ADGRV1: variants seen among roughly 807,000 people sequenced by gnomAD.
The protein encoded by ADGRV1 is G-protein coupled receptor 98.
In ADGRV1, 359 loss-of-function variants were observed where a neutral mutation model predicts 596.2. The observed-to-expected ratio is 0.60, with a 90% CI of 0.55 to 0.66. The LOEUF is 0.66. Among genes scored for constraint, ADGRV1 ranks in the 30% least tolerant of loss-of-function variants. ADGRV1 has a pLI of 0.00. For synonymous variants in ADGRV1, 2,681 were observed against 2,679.2 expected, an observed-to-expected ratio of 1.00 and a Z score of -0.02; for missense variants, 7,274 against 7,575.6, an observed-to-expected ratio of 0.96 and a Z score of 1.48.
At chr5:90,988,704 A>G (rs1017208429) in intron 85 of ADGRV1, among the ~76,000 whole-genome samples, 1 of 151,984 alleles carries the variant, frequency 6.6e-6, no homozygotes, top group African/African-American at 2.4e-5. Flanking sequence ...GGTTAGTTAC[A>G]TATGTATACA....
At chr5:90,994,912 G>C (rs974953452) in intron 85 of ADGRV1, among the ~76,000 whole-genome samples, 6 of 152,176 alleles carry the variant, frequency 3.9e-5, no homozygotes, top group African/African-American at 1.4e-4. Flanking sequence ...GCATGTTGGG[G>C]CATGACTTCA....
intron 87 of ADGRV1, among the ~76,000 whole-genome samples, chr5:91,139,265 T>A (rs1050467373): frequency 6.6e-6 from 1 of 152,242 alleles, no homozygotes; most frequent in African/African-American, 2.4e-5. Flanking sequence ...TCCATTATAA[T>A]GAAGTCAATA....
intron 85 of ADGRV1, among the ~76,000 whole-genome samples, chr5:91,038,668 C>T (rs1307216257): frequency 6.6e-6 from 1 of 152,124 alleles, no homozygotes; most frequent in Admixed American, 6.5e-5. Context: ...GGATTTATCT[C>T]ATAAATTCAC....
intron 83 of ADGRV1, among the ~76,000 whole-genome samples, chr5:90,883,837 A>G (rs1382745197): frequency 6.6e-6 from 1 of 152,300 alleles, no homozygotes; most frequent in South Asian, 2.1e-4. Context: ...GTGGAATGTT[A>G]CAGGGCCTCT....
At position 90,848,838 on chromosome 5, in the gene ADGRV1, A is replaced by G; in HGVS notation, c.17204+17A>G. ...TGGTGAAAAGTAAGTATCTTTTAAT[A>G]TATTAGCAGTACCTTTTATGCATTT... On this transcript the variant is annotated intron_variant, in intron 79 of 89. Coordinates refer to ENST00000405460, the MANE Select transcript of ADGRV1 (RefSeq NM_032119.4). 2.6e-6 allele frequency: 4 copies of G among 1,547,710 alleles called. No homozygotes were observed. The highest frequency in any genetic ancestry group is 2.8e-5 in the African/African-American group (2 of 71,452).
At chr5:90,946,654 C>T (rs1209805792) in intron 83 of ADGRV1, among the ~76,000 whole-genome samples, 1 of 152,008 alleles carries the variant, frequency 6.6e-6, no homozygotes, top group East Asian at 1.9e-4. Context: ...GTGTTGTTCC[C>T]CTCCCTGTGT....
intron 1 of ADGRV1, among the ~76,000 whole-genome samples, chr5:90,611,052 T>A (rs1228010015): frequency 6.6e-6 from 1 of 151,812 alleles, no homozygotes; most frequent in African/African-American, 2.4e-5. Context: ...GCCAACCCTA[T>A]GACTCTGTTT....
intron 42 of ADGRV1, among the ~76,000 whole-genome samples, chr5:90,713,580 G>C (rs551393265): frequency 6.6e-6 from 1 of 152,080 alleles, no homozygotes; most frequent in African/African-American, 2.4e-5. Flanking sequence ...CTTTAGATGA[G>C]GCAGGAGCAG....
At chr5:91,140,277 C>T (rs1794985871) in intron 87 of ADGRV1, among the ~76,000 whole-genome samples, 1 of 152,180 alleles carries the variant, frequency 6.6e-6, no homozygotes, top group Non-Finnish European at 1.5e-5. Flanking sequence ...ATCAAATTTT[C>T]CCCTTTCATC....
At chr5:90,963,223 G>A (rs1429798051) in intron 83 of ADGRV1, among the ~76,000 whole-genome samples, 1 of 152,068 alleles carries the variant, frequency 6.6e-6, no homozygotes, top group Non-Finnish European at 1.5e-5. Flanking sequence ...ATGTTAAAAT[G>A]ATTGCTTTTT....
chr5:90,979,533 A>AG lies in ADGRV1; in HGVS notation c.17974-5810dup, dbSNP rs567581064. Among the ~76,000 whole-genome samples the AG allele has an allele frequency of 1.1e-3, 166 of 152,244 alleles. 2 individuals are homozygous for AG. Among genetic ancestry groups the AG allele is most frequent in the African/African-American group, 3.8e-3 (159 of 41,548 alleles). ...AATCAGCCTTTACAAGGCAGTTTGG[A>AG]GTATGTTGCACTCCCAGTTCTATAG... On this transcript the variant is annotated intron_variant, in intron 84 of 89. Coordinates refer to ENST00000405460, the MANE Select transcript of ADGRV1 (RefSeq NM_032119.4).
intron 83 of ADGRV1, among the ~76,000 whole-genome samples, chr5:90,937,762 T>C (rs1775838480): frequency 6.6e-6 from 1 of 151,994 alleles, no homozygotes; most frequent in African/African-American, 2.4e-5. Context: ...CGGCCAGTGA[T>C]TGTATTTTTT....
rs1416724388 is a variant in ADGRV1, at chr5:90,692,747, T to G, written c.7094T>G (p.Leu2365Arg). 1.9e-6 allele frequency: 3 copies of G among 1,606,224 alleles called. No homozygotes were observed. The highest frequency in any genetic ancestry group is 2.7e-5 in the African/African-American group (2 of 74,856). ...ATGGTTTATCGTGTTCAAGAGCCTCTGGAAAGAAGTTCCTGTGCTAATATA... is the reference window on the plus strand; with the variant it reads ...ATGGTTTATCGTGTTCAAGAGCCTCGGGAAAGAAGTTCCTGTGCTAATATA... The part of the protein sequence containing the change: ...AQMVYRVQEP[L>R]ERSSCANITV... Residue 2365 changes from leucine (L) to arginine (R), a missense_variant, in exon 32 of 90, where the codon CTG becomes CGG. By Grantham distance (102) the Leu-to-Arg change is moderately radical. This residue lies in a region of ADGRV1 where 3,643 missense variants were observed against 3,809.2 expected (regional missense o/e 0.96). Coordinates refer to ENST00000405460, the MANE Select transcript of ADGRV1 (RefSeq NM_032119.4).
chr5:90,908,338 T>C (rs1772514931), intron 83 of ADGRV1, among the ~76,000 whole-genome samples: 1 of 152,168 alleles, frequency 6.6e-6, no homozygotes, highest in Non-Finnish European at 1.5e-5. Flanking sequence ...AAATGGGGTA[T>C]CCATCACCTC....
At chr5:90,936,460 T>G (rs1775698602) in intron 83 of ADGRV1, among the ~76,000 whole-genome samples, 1 of 152,108 alleles carries the variant, frequency 6.6e-6, no homozygotes, top group South Asian at 2.1e-4. Context: ...CGTGCCTTTT[T>G]TCTTAAGCTT....
intron 24 of ADGRV1, 98 bp downstream of exon 24, chr5:90,675,543 TCA>T: frequency 8.4e-7 from 1 of 1,185,056 alleles, no homozygotes; most frequent in Non-Finnish European, 1.2e-6. Context: ...ACATAGTGAC[TCA>T]CGCCTGTAAT....
At chr5:90,989,705 C>G (rs1780807447) in intron 85 of ADGRV1, among the ~76,000 whole-genome samples, 1 of 152,194 alleles carries the variant, frequency 6.6e-6, no homozygotes, top group Non-Finnish European at 1.5e-5. Flanking sequence ...GATAGGTCAT[C>G]CATGGTTTCA....
intron 1 of ADGRV1, among the ~76,000 whole-genome samples, chr5:90,606,164 G>A (rs951661532): frequency 6.6e-6 from 1 of 152,120 alleles, no homozygotes; most frequent in Non-Finnish European, 1.5e-5. Context: ...ATAATCAGAC[G>A]TTAGCCTCAT....
chr5:90,575,080 T>C (rs250366), intron 1 of ADGRV1, among the ~76,000 whole-genome samples: 80,932 of 151,694 alleles, frequency 0.53, 22,220 homozygotes, highest in African/African-American at 0.67. Flanking sequence ...TTTTGCATCT[T>C]GATTTTGTTA....
Sources: allele counts gnomAD v4.1 joint callset (sites outside exome capture counted in the v4.1 genomes callset), GRCh38; gene constraint gnomAD v4.1.1; regional missense constraint gnomAD v4.1.1; transcripts MANE v1.5; gene names NCBI Gene and HGNC (gene_info 2026-07-23, HGNC 2026-07-21).